Variants in PRKG1 observed in about 807,000 individuals in gnomAD.
PRKG1 encodes the protein cGMP-dependent protein kinase 1.
Under a neutral mutation model 88.1 loss-of-function variants are expected in PRKG1, and 35 were observed. The observed-to-expected ratio is 0.40, with a 90% CI of 0.30 to 0.53. The LOEUF is 0.53. PRKG1 is among the 20% of genes least tolerant of loss of function. The probability of loss-of-function intolerance (pLI) is 0.59; values close to 1 mark genes in which losing one functional copy is unlikely to be tolerated. For missense variants in PRKG1, 540 were observed against 839.8 expected, an observed-to-expected ratio of 0.64 and a Z score of 4.41; for synonymous variants, 303 against 292.5, an observed-to-expected ratio of 1.04 and a Z score of -0.37.
Position 51,396,573 on chromosome 10 carries a change from G to A in PRKG1, c.479-71150G>A, listed in dbSNP as rs139343671. 4.8e-3 allele frequency among the ~76,000 whole-genome samples: 725 copies of A among 152,308 alleles called. 5 individuals are homozygous for A. The highest frequency in any genetic ancestry group is 0.016 in the African/African-American group (677 of 41,552). ...GTTAGATCTTTCAGTGATGGTTAGC[G>A]CTGTGGACCACTGAGTCTAACCACA... On this transcript the variant is annotated intron_variant, in intron 2 of 17. Transcript: ENST00000373980.
At chr10:51,488,494 T>G (rs1239575811) in intron 3 of PRKG1, among the ~76,000 whole-genome samples, 1 of 152,170 alleles carries the variant, frequency 6.6e-6, no homozygotes, top group Non-Finnish European at 1.5e-5. Flanking sequence ...AATGGAAATA[T>G]TTTATTTGGC....
At chr10:51,836,133 C>A (rs1012732907) in intron 4 of PRKG1, among the ~76,000 whole-genome samples, 3 of 152,008 alleles carry the variant, frequency 2.0e-5, no homozygotes, top group African/African-American at 7.3e-5. Flanking sequence ...AAATATATTA[C>A]AAAGCTACAG....
At chr10:52,057,148 G>A (rs1022692185) in intron 6 of PRKG1, among the ~76,000 whole-genome samples, 1 of 152,200 alleles carries the variant, frequency 6.6e-6, no homozygotes, top group Non-Finnish European at 1.5e-5. Flanking sequence ...GTGAGATAGA[G>A]AGACACAATA....
chr10:51,207,701 G>A (rs1287274953), intron 2 of PRKG1, among the ~76,000 whole-genome samples: 1 of 151,946 alleles, frequency 6.6e-6, no homozygotes, highest in Non-Finnish European at 1.5e-5. Context: ...TACTTTCCTG[G>A]CAGATTACAA....
intron 2 of PRKG1, among the ~76,000 whole-genome samples, chr10:51,386,828 C>T (rs1837264742): frequency 6.6e-6 from 1 of 151,898 alleles, no homozygotes; most frequent in African/African-American, 2.4e-5. Context: ...GTAAGAACCA[C>T]AAAGTCTTTG....
At chr10:51,167,685 G>A (rs1904689) in intron 2 of PRKG1, among the ~76,000 whole-genome samples, 70,301 of 151,924 alleles carry the variant, frequency 0.46, 16,264 homozygotes, top group African/African-American at 0.53. Flanking sequence ...GTATAATTTG[G>A]CAGTGCATGG....
At chr10:51,435,041 T>C (rs1019360762) in intron 2 of PRKG1, among the ~76,000 whole-genome samples, 4 of 152,124 alleles carry the variant, frequency 2.6e-5, no homozygotes, top group African/African-American at 4.8e-5. Flanking sequence ...TCTCTTTCTT[T>C]TCCAGTTAGT....
intron 3 of PRKG1, among the ~76,000 whole-genome samples, chr10:51,566,133 T>C (rs1837597190): frequency 6.6e-6 from 1 of 152,082 alleles, no homozygotes; most frequent in East Asian, 1.9e-4. Context: ...GAAAATATAA[T>C]GTTTGAGTCC....
intron 7 of PRKG1, among the ~76,000 whole-genome samples, chr10:52,120,763 G>A (rs909054733): frequency 6.6e-6 from 1 of 152,142 alleles, no homozygotes; most frequent in African/African-American, 2.4e-5. Context: ...CGCCCTGTCA[G>A]TCTGTGCCTG....
At chr10:52,158,068 C>T (rs762433016) in intron 8 of PRKG1, among the ~76,000 whole-genome samples, 28 of 151,534 alleles carry the variant, frequency 1.8e-4, no homozygotes, top group East Asian at 3.9e-4. Context: ...GCCATTTGCT[C>T]GGTAACATGT....
intron 9 of PRKG1, among the ~76,000 whole-genome samples, chr10:52,247,612 C>T (rs1001620040): frequency 6.6e-6 from 1 of 151,966 alleles, no homozygotes; most frequent in African/African-American, 2.4e-5. Context: ...TGAAAATGTC[C>T]CTCCCAGTTA....
chr10:51,019,644 T>C (rs1235733902), intron 1 of PRKG1, among the ~76,000 whole-genome samples: 1 of 151,794 alleles, frequency 6.6e-6, no homozygotes, highest in African/African-American at 2.4e-5. Flanking sequence ...ATAGACAAAT[T>C]GGACTTCATG....
rs1008105802 is a variant in PRKG1 at position 51,534,679 on chromosome 10, AAAAG to A, written c.592+66856_592+66859del. 4.6e-5 allele frequency among the ~76,000 whole-genome samples: 7 copies of A among 150,976 alleles called. No homozygotes were observed. The South Asian group carries it at 1.3e-3, about 28-fold the overall frequency. On this transcript the variant is annotated intron_variant, in intron 3 of 17. Coordinates refer to ENST00000373980, the MANE Select transcript of PRKG1 (RefSeq NM_006258.4). ...GAGACTCTGTCTCAAAAAAAAAAAAAAAAGAAAGAAAGAAAGGCAGTTCTGCCCA... is the reference window on the plus strand; with the variant it reads ...GAGACTCTGTCTCAAAAAAAAAAAAAAAAGAAAGAAAGGCAGTTCTGCCCA...
intron 2 of PRKG1, among the ~76,000 whole-genome samples, chr10:51,465,958 A>G (rs979368026): frequency 2.0e-5 from 3 of 152,198 alleles, no homozygotes; most frequent in East Asian, 1.9e-4. Flanking sequence ...CAATCATCCA[A>G]TGAAATAGGT....
intron 1 of PRKG1, among the ~76,000 whole-genome samples, chr10:51,024,005 C>T (rs570517278): frequency 1.4e-4 from 22 of 152,262 alleles, no homozygotes; most frequent in South Asian, 1.0e-3. Flanking sequence ...TAATTTTCAA[C>T]ATATCAGAAT....
At chr10:52,291,211 G>A (rs535274793) in intron 17 of PRKG1, among the ~76,000 whole-genome samples, 305 of 151,582 alleles carry the variant, frequency 2.0e-3, no homozygotes, top group South Asian at 4.4e-3. Flanking sequence ...CGTGAGCACC[G>A]CGCTGGGCCT....
chr10:51,966,892 T>G (rs1255897523), intron 5 of PRKG1, among the ~76,000 whole-genome samples: 1 of 151,736 alleles, frequency 6.6e-6, no homozygotes, highest in East Asian at 1.9e-4. Context: ...ATGGCAATCA[T>G]TAAAAAGTCA....
rs190521282 is a variant in PRKG1, at chr10:51,542,307, G to A, written c.592+74471G>A. On this transcript the variant is annotated intron_variant, in intron 3 of 17. Coordinates refer to ENST00000373980, the MANE Select transcript of PRKG1 (RefSeq NM_006258.4). ...GCAACTAACATGCCTGAAACGTTCC[G>A]TGTCTTGTAAGTCCTGCATTAAGTA... Among the ~76,000 whole-genome samples the A allele has an allele frequency of 1.2e-4, 18 of 152,244 alleles. 1 individual carries two copies. The highest frequency in any genetic ancestry group is 1.0e-3 in the South Asian group (5 of 4,820).
At chr10:51,964,881 T>G (rs1018401774) in intron 5 of PRKG1, among the ~76,000 whole-genome samples, 1 of 152,212 alleles carries the variant, frequency 6.6e-6, no homozygotes, top group Non-Finnish European at 1.5e-5. Context: ...TCAATTCCTT[T>G]GTACATGAGT....
Sources: allele counts gnomAD v4.1 joint callset (sites outside exome capture counted in the v4.1 genomes callset), GRCh38; gene constraint gnomAD v4.1.1; transcripts MANE v1.5; gene names NCBI Gene and HGNC (gene_info 2026-07-23, HGNC 2026-07-21).